Variants in DOK6 observed in about 807,000 individuals in gnomAD.
DOK6 encodes downstream of tyrosine kinase 6.
DOK6 carries 22 observed loss-of-function variants against 44.0 expected under a neutral mutation model. The ratio of observed to expected loss-of-function variants is 0.50; its 90% CI spans 0.36 to 0.71. The LOEUF is 0.71. DOK6 is among the 30% of genes least tolerant of loss of function. The pLI is 0.00. For missense variants in DOK6, 340 were observed against 416.4 expected (o/e 0.82, Z 1.60); for synonymous variants, 166 against 145.5 (o/e 1.14, Z -1.01).
At position 69,536,358 on chromosome 18, in the gene DOK6, G is replaced by T. The variant is rs185867614; in HGVS notation, c.67-28129G>T. Among the ~76,000 whole-genome samples the T allele has an allele frequency of 6.1e-4, 93 of 152,180 alleles. 2 individuals are homozygous for T. The highest frequency in any genetic ancestry group is 2.0e-3 in the Admixed American group (30 of 15,262). ...AGGTAAATACTGTAGAATTTGCTCT[G>T]TAAAAATATGACTGATAAAACATAA... On this transcript the variant is annotated intron_variant, in intron 1 of 7. Transcript: ENST00000382713.
intron 1 of DOK6, among the ~76,000 whole-genome samples, chr18:69,402,322 A>G (rs1916118701): frequency 6.6e-6 from 1 of 152,192 alleles, no homozygotes; most frequent in Non-Finnish European, 1.5e-5. Flanking sequence ...CTCCCGGGGC[A>G]AAGGGTCCTT....
At chr18:69,828,143 A>G (rs1981796143) in intron 7 of DOK6, among the ~76,000 whole-genome samples, 1 of 151,890 alleles carries the variant, frequency 6.6e-6, no homozygotes, top group African/African-American at 2.4e-5. Context: ...CTTTAATATA[A>G]TATTCTTTAT....
intron 1 of DOK6, among the ~76,000 whole-genome samples, chr18:69,501,201 A>T (rs1167985987): frequency 3.3e-5 from 5 of 152,130 alleles, no homozygotes; most frequent in Non-Finnish European, 5.9e-5. Flanking sequence ...ATTTTATGGT[A>T]GAGTTTTGGA....
Position 69,739,101 on chromosome 18 carries a change from C to A in DOK6, c.736C>A (p.Arg246=), listed in dbSNP as rs1418331368. Residue 246 remains arginine (R), a splice_region_variant and synonymous_variant, in exon 6 of 8, where the codon CGG becomes AGG. Transcript: ENST00000382713. ...RLMLEMEQKA[R]LQTSLTEPMT... Reference sequence around the variant, plus strand: ...AATGCTAGAAATGGAACAGAAGGCCCGGGTAAGGCCCCTTCCTTGGTAACC... The same window carrying A: ...AATGCTAGAAATGGAACAGAAGGCCAGGGTAAGGCCCCTTCCTTGGTAACC... 1 of 1,613,710 alleles carries A rather than the reference C, an allele frequency of 6.2e-7. No homozygotes were observed. Among genetic ancestry groups the A allele is most frequent in the East Asian group, 2.2e-5 (1 of 44,880 alleles).
intron 5 of DOK6, among the ~76,000 whole-genome samples, chr18:69,724,344 A>G (rs988772565): frequency 6.6e-6 from 1 of 152,232 alleles, no homozygotes; most frequent in Non-Finnish European, 1.5e-5. Flanking sequence ...GGAGCAGACA[A>G]TCTTTTGTTC....
chr18:69,490,258 T>C (rs1980699277), intron 1 of DOK6, among the ~76,000 whole-genome samples: 1 of 152,176 alleles, frequency 6.6e-6, no homozygotes, highest in African/African-American at 2.4e-5. Context: ...TAGACAGCAG[T>C]CACAGCTCAT....
chr18:69,773,378 G>A (rs954749151), intron 7 of DOK6, among the ~76,000 whole-genome samples: 3 of 151,886 alleles, frequency 2.0e-5, no homozygotes, highest in African/African-American at 4.8e-5. Flanking sequence ...ATCTCGAAGC[G>A]ATATTAGCAC....
intron 1 of DOK6, among the ~76,000 whole-genome samples, chr18:69,456,521 GT>G (rs1979638710): frequency 1.3e-5 from 2 of 152,064 alleles, no homozygotes; most frequent in African/African-American, 2.4e-5. Context: ...TGGTGTATAT[GT>G]ATCATATTTT....
At chr18:69,767,831 G>A (rs561988232) in intron 7 of DOK6, among the ~76,000 whole-genome samples, 54 of 152,238 alleles carry the variant, frequency 3.5e-4, no homozygotes, top group African/African-American at 1.2e-3. Context: ...ATTAAAATCC[G>A]AAGAGGACTC....
At chr18:69,518,829 T>C (rs2144562902) in intron 1 of DOK6, among the ~76,000 whole-genome samples, 1 of 152,266 alleles carries the variant, frequency 6.6e-6, no homozygotes, top group South Asian at 2.1e-4. Flanking sequence ...GTGTAGTGTC[T>C]TTAAATTATG....
chr18:69,605,955 G>T (rs1387472029), intron 3 of DOK6, among the ~76,000 whole-genome samples: 1 of 151,970 alleles, frequency 6.6e-6, no homozygotes, highest in Non-Finnish European at 1.5e-5. Context: ...CCCATTTTTT[G>T]AAGGCGACAT....
At chr18:69,519,105 T>G (rs1981618401) in intron 1 of DOK6, among the ~76,000 whole-genome samples, 1 of 152,058 alleles carries the variant, frequency 6.6e-6, no homozygotes, top group Non-Finnish European at 1.5e-5. Flanking sequence ...ATAAGATTAA[T>G]GAGTATAAGA....
intron 7 of DOK6, among the ~76,000 whole-genome samples, chr18:69,835,578 C>T (rs1982030120): frequency 6.6e-6 from 1 of 152,194 alleles, no homozygotes; most frequent in South Asian, 2.1e-4. Context: ...TCGTTCCTTC[C>T]ATTCTGTCTC....
At chr18:69,425,073 GAGCAGGACTGGA>G in intron 1 of DOK6, among the ~76,000 whole-genome samples, 1 of 152,236 alleles carries the variant, frequency 6.6e-6, no homozygotes, top group South Asian at 2.1e-4. Flanking sequence ...AGATTATTGT[GAGCAGGACTGGA>G]AGCAGGAGTA....
chr18:69,510,408 A>G (rs1026607049), intron 1 of DOK6, among the ~76,000 whole-genome samples: 1 of 152,202 alleles, frequency 6.6e-6, no homozygotes, highest in African/African-American at 2.4e-5. Context: ...AATATGGACT[A>G]CTGATTTTAT....
intron 7 of DOK6, among the ~76,000 whole-genome samples, chr18:69,764,722 C>A (rs1007553060): frequency 6.6e-6 from 1 of 152,146 alleles, no homozygotes; most frequent in Non-Finnish European, 1.5e-5. Flanking sequence ...ATATGATAAT[C>A]CCTTATTTTC....
chr18:69,505,288 C>T (rs1362078526), intron 1 of DOK6, among the ~76,000 whole-genome samples: 1 of 151,974 alleles, frequency 6.6e-6, no homozygotes, highest in Admixed American at 6.6e-5. Context: ...CTTCCCTTAC[C>T]TATCAGTCTT....
At chr18:69,412,750 T>G (rs1182147181) in intron 1 of DOK6, among the ~76,000 whole-genome samples, 1 of 152,164 alleles carries the variant, frequency 6.6e-6, no homozygotes, top group African/African-American at 2.4e-5. Flanking sequence ...TGGAAAGTAC[T>G]CCCACATTAT....
intron 7 of DOK6, among the ~76,000 whole-genome samples, chr18:69,797,653 CA>C (rs2145102958): frequency 6.6e-6 from 1 of 152,204 alleles, no homozygotes; most frequent in African/African-American, 2.4e-5. Context: ...ATTGCCATAA[CA>C]TTTTTTTCCT....
Sources: allele counts gnomAD v4.1 joint callset (sites outside exome capture counted in the v4.1 genomes callset), GRCh38; gene constraint gnomAD v4.1.1; transcripts MANE v1.5; gene names NCBI Gene and HGNC (gene_info 2026-07-23, HGNC 2026-07-21).